GON4L: variants seen among roughly 807,000 people sequenced by gnomAD.
GON4L encodes the protein GON-4-like protein.
Under a neutral mutation model 211.8 loss-of-function variants are expected in GON4L, and 87 were observed. The observed-to-expected ratio is 0.41, with a 90% CI of 0.35 to 0.49. The LOEUF (loss-of-function observed/expected upper bound fraction) is 0.49. GON4L is among the 20% of genes least tolerant of loss of function. The pLI, the probability that GON4L is intolerant of heterozygous loss-of-function variation, is 0.15. For synonymous variants in GON4L, 875 were observed against 962.6 expected (o/e 0.91, Z 1.68); for missense variants, 2,155 against 2,659.5 (o/e 0.81, Z 4.17).
In GON4L at chr1:155,770,263, G is replaced by A. The variant is rs537675931; in HGVS notation, c.2646+804C>T. 7.2e-4 allele frequency among the ~76,000 whole-genome samples: 110 copies of A among 152,214 alleles called. 3 individuals are homozygous for A. The South Asian group carries it at 0.022, about 30-fold the overall frequency. ...CAAAAGGCTGGGCATAGTGGCTCAC[G>A]CCTGTAATCCCAACACTTTGGGAGG... On this transcript the variant is annotated intron_variant, in intron 19 of 31. Transcript: ENST00000368331.
chr1:155,766,125 T>G lies in GON4L; in HGVS notation c.3348A>C (p.Arg1116Ser), dbSNP rs779011811. ...APSKFRKPYV[R>S]RRPSKRRGVK... ...CTCCTCTTCTCTTTGAGGGTCTCCG[T>G]CTCACATATGGCTTTCGAAACTTAG... Residue 1116 changes from arginine (R) to serine (S), a missense_variant, in exon 21 of 32, where the codon AGA (arginine) becomes AGC (serine). Transcript: ENST00000368331. The G allele has an allele frequency of 2.5e-6, 4 of 1,613,900 alleles. No homozygotes were observed. Among genetic ancestry groups the G allele is most frequent in the Non-Finnish European group, 3.4e-6 (4 of 1,180,006 alleles).
Position 155,757,074 on chromosome 1 carries a change from C to G in GON4L, c.5401G>C (p.Asp1801His). ...NWTEEKEYEF[D>H]GFEEVALPDV... is the part of the protein sequence containing the mutation. ...GGCAGGGCCACTTCTTCAAAGCCAT[C>G]AAACTGAGAAGGAGTTGGTGCTGCT... Residue 1801 changes from aspartate (D) to histidine (H), a missense_variant, in exon 27 of 32, where the codon GAT becomes CAT. Physicochemically the swap from Asp to His is moderately conservative, Grantham distance 81. Coordinates refer to ENST00000368331, the MANE Select transcript of GON4L (RefSeq NM_001282860.2). 6.2e-7 allele frequency: 1 copy of G among 1,613,926 alleles called. No homozygotes were observed. Among genetic ancestry groups the G allele is most frequent in the Non-Finnish European group, 8.5e-7 (1 of 1,179,854 alleles).
At chr1:155,842,167 T>C (rs1051908961) in intron 2 of GON4L, among the ~76,000 whole-genome samples, 1 of 151,906 alleles carries the variant, frequency 6.6e-6, no homozygotes, top group East Asian at 1.9e-4. Context: ...AATATGAAAA[T>C]AAAGTATTGC....
chr1:155,764,195 C>T (rs966758181), intron 21 of GON4L, among the ~76,000 whole-genome samples: 6 of 151,778 alleles, frequency 4.0e-5, no homozygotes, highest in African/African-American at 1.5e-4. Flanking sequence ...CGTGGCTCAC[C>T]GCAACCTCTG....
At chr1:155,822,541 A>G in intron 3 of GON4L, 65 bp from the exon 4 acceptor site, 26 of 1,196,496 alleles carry the variant, frequency 2.2e-5, no homozygotes, top group Non-Finnish European at 3.2e-5. Context: ...TAGCCCAGAA[A>G]GCCAACAGTA....
chr1:155,748,515 G>A, downstream of GON4L: 1 of 1,613,872 alleles, frequency 6.2e-7, no homozygotes, highest in South Asian at 1.1e-5. Flanking sequence ...GACATGCTGA[G>A]CTTCTGTGGG....
chr1:155,776,643 T>G (rs1273006832), intron 15 of GON4L, among the ~76,000 whole-genome samples, 162 bp from the exon 16 acceptor site: 1 of 152,156 alleles, frequency 6.6e-6, no homozygotes, highest in East Asian at 1.9e-4. Context: ...CTCAACTTCC[T>G]GTGCTCAAGC....
downstream of GON4L, chr1:155,748,750 C>T: frequency 6.2e-7 from 1 of 1,614,180 alleles, no homozygotes; most frequent in Non-Finnish European, 8.5e-7. Context: ...TTTGCCCAGT[C>T]AGTGGTGCTG....
In GON4L at chr1:155,815,750, A is replaced by G. The variant is rs1668179548; in HGVS notation, c.1161+55T>C. 3.9e-6 allele frequency: 4 copies of G among 1,015,450 alleles called. No individual in the cohort carries two copies. The Admixed American group carries it at 5.2e-5, about 13-fold the overall frequency. 62.9% of individuals were successfully genotyped at this position (1,015,450 alleles called of 1,614,324 possible). A position where few individuals can be genotyped will look rare whatever the true frequency, so the allele number is the denominator to read the frequency against. ...TCTCTACAAGTGACATTACTAAGGA[A>G]GCAAAGTATACCCTGCTCTATTAAG... is the stretch of plus-strand genomic sequence containing the variant. On this transcript the variant is annotated intron_variant, in intron 8 of 31. Transcript: ENST00000368331.
chr1:155,821,786 T>G (rs1668764570), intron 4 of GON4L, among the ~76,000 whole-genome samples: 1 of 152,182 alleles, frequency 6.6e-6, no homozygotes, highest in East Asian at 1.9e-4. Flanking sequence ...TAGCTGCTAC[T>G]AGGAACAGGA....
intron 12 of GON4L, among the ~76,000 whole-genome samples, chr1:155,793,102 T>C (rs1665762149): frequency 6.6e-6 from 1 of 152,142 alleles, no homozygotes. Flanking sequence ...TCTACGACAC[T>C]AGATTTTCTA....
intron 2 of GON4L, chr1:155,845,568 AT>A: frequency 3.4e-6 from 1 of 290,466 alleles, no homozygotes; most frequent in Non-Finnish European, 7.0e-6. Flanking sequence ...GACAAAGATA[AT>A]TGTTTTTTAG....
chr1:155,806,067 A>G (rs1384333016), intron 10 of GON4L, among the ~76,000 whole-genome samples: 1 of 150,014 alleles, frequency 6.7e-6, no homozygotes, highest in Non-Finnish European at 1.5e-5. Flanking sequence ...AGCTGACTGC[A>G]GCTTCGAACT....
At chr1:155,793,111 T>C (rs1218170530) in intron 12 of GON4L, among the ~76,000 whole-genome samples, 3 of 152,130 alleles carry the variant, frequency 2.0e-5, no homozygotes, top group South Asian at 2.1e-4. Context: ...CTAGATTTTC[T>C]AGGTTTTTCT....
chr1:155,794,351 C>T (rs1665885443), intron 12 of GON4L, among the ~76,000 whole-genome samples: 1 of 152,130 alleles, frequency 6.6e-6, no homozygotes, highest in African/African-American at 2.4e-5. Flanking sequence ...GGATTACAGG[C>T]GTGAGCCACC....
intron 2 of GON4L, among the ~76,000 whole-genome samples, chr1:155,829,498 C>CA (rs1669542248): frequency 6.6e-6 from 1 of 152,066 alleles, no homozygotes; most frequent in Non-Finnish European, 1.5e-5. Flanking sequence ...CCCAGCTATT[C>CA]AACAGGCACG....
At chr1:155,795,586 T>G (rs1369594554) in intron 11 of GON4L, among the ~76,000 whole-genome samples, 1 of 152,088 alleles carries the variant, frequency 6.6e-6, no homozygotes, top group Non-Finnish European at 1.5e-5. Flanking sequence ...ACTCTGTGAG[T>G]GCAAACATGA....
intron 24 of GON4L, among the ~76,000 whole-genome samples, chr1:155,758,636 C>T (rs956498964): frequency 1.3e-5 from 2 of 152,080 alleles, no homozygotes; most frequent in Admixed American, 1.3e-4. Context: ...CCCAGCACTT[C>T]GGGAAGCCGA....
intron 12 of GON4L, among the ~76,000 whole-genome samples, chr1:155,786,974 T>G (rs978970669): frequency 6.6e-6 from 1 of 150,872 alleles, no homozygotes; most frequent in Non-Finnish European, 1.5e-5. Context: ...CAGGCTGGAG[T>G]GCAGTGGCGC....
Sources: allele counts gnomAD v4.1 joint callset (sites outside exome capture counted in the v4.1 genomes callset), GRCh38; gene constraint gnomAD v4.1.1; transcripts MANE v1.5; gene names NCBI Gene and HGNC (gene_info 2026-07-23, HGNC 2026-07-21).